GPC6: variants seen among roughly 807,000 people sequenced by gnomAD.
GPC6 encodes glypican-6.
Under a neutral mutation model 55.2 loss-of-function variants are expected in GPC6, and 14 were observed. The ratio of observed to expected loss-of-function variants is 0.25; its 90% CI spans 0.17 to 0.40. The LOEUF (loss-of-function observed/expected upper bound fraction) is 0.40, where lower values mean the gene tolerates loss of function less well. GPC6 is among the 10% of genes least tolerant of loss of function. The probability of loss-of-function intolerance (pLI) is 1.00; values close to 1 mark genes in which losing one functional copy is unlikely to be tolerated. For synonymous variants in GPC6, 278 were observed against 259.6 expected (o/e 1.07, Z -0.68); for missense variants, 641 against 708.5 (o/e 0.90, Z 1.08).
intron 2 of GPC6, among the ~76,000 whole-genome samples, chr13:93,645,308 G>A (rs542449375): frequency 2.0e-5 from 3 of 151,094 alleles, no homozygotes; most frequent in East Asian, 1.9e-4. Context: ...AGACATAAAA[G>A]CATAAAACAT....
chr13:93,683,362 A>G (rs1881928053), intron 2 of GPC6, among the ~76,000 whole-genome samples: 1 of 152,082 alleles, frequency 6.6e-6, no homozygotes, highest in Admixed American at 6.5e-5. Context: ...GACCTCTTTG[A>G]CAAGACTTCA....
intron 2 of GPC6, among the ~76,000 whole-genome samples, chr13:93,747,742 C>G (rs1293492579): frequency 6.6e-6 from 1 of 152,164 alleles, no homozygotes; most frequent in Non-Finnish European, 1.5e-5. Flanking sequence ...TCTAGGTAGG[C>G]TAGGCTAAGC....
intron 1 of GPC6, among the ~76,000 whole-genome samples, chr13:93,241,650 A>G (rs1218065300): frequency 1.3e-5 from 2 of 151,998 alleles, no homozygotes; most frequent in Non-Finnish European, 2.9e-5. Flanking sequence ...TGAATTCTTT[A>G]TCTGGTATTT....
intron 2 of GPC6, among the ~76,000 whole-genome samples, chr13:93,755,595 GT>G (rs1174110354): frequency 2.6e-5 from 4 of 152,102 alleles, no homozygotes; most frequent in African/African-American, 9.7e-5. Flanking sequence ...TTATTTCTTT[GT>G]GTCAATAGTT....
At chr13:94,159,132 A>T (rs1888067803) in intron 4 of GPC6, among the ~76,000 whole-genome samples, 1 of 152,134 alleles carries the variant, frequency 6.6e-6, no homozygotes, top group South Asian at 2.1e-4. Flanking sequence ...TGTGTCCTGG[A>T]GTCAGATGAT....
intron 6 of GPC6, among the ~76,000 whole-genome samples, chr13:94,335,901 ATTT>A (rs57333414): frequency 0.25 from 37,054 of 146,956 alleles, 4,922 homozygotes; most frequent in Middle Eastern, 0.4. Context: ...TGTTGTTGTG[ATTT>A]TTTTTTTTTT....
At chr13:94,169,427 G>A (rs1015846555) in intron 4 of GPC6, among the ~76,000 whole-genome samples, 4 of 152,090 alleles carry the variant, frequency 2.6e-5, no homozygotes, top group African/African-American at 4.8e-5. Flanking sequence ...TTAGAATGCC[G>A]AAAGATATAC....
intron 3 of GPC6, among the ~76,000 whole-genome samples, chr13:94,007,355 G>A (rs1594661355): frequency 6.6e-6 from 1 of 152,302 alleles, no homozygotes; most frequent in East Asian, 1.9e-4. Flanking sequence ...AAGACAGCAG[G>A]AGGAATCGCT....
chr13:94,047,747 C>T (rs1397950219), intron 4 of GPC6, among the ~76,000 whole-genome samples: 1 of 152,026 alleles, frequency 6.6e-6, no homozygotes, highest in Non-Finnish European at 1.5e-5. Context: ...TTACCAAAAC[C>T]AGAGCAGTAA....
chr13:93,299,406 C>A (rs1370258478), intron 1 of GPC6, among the ~76,000 whole-genome samples: 2 of 152,140 alleles, frequency 1.3e-5, no homozygotes, highest in African/African-American at 4.8e-5. Context: ...AGTCAGAAAA[C>A]ATGAAAATGT....
intron 5 of GPC6, among the ~76,000 whole-genome samples, chr13:94,291,422 G>A (rs1414738051): frequency 1.3e-5 from 2 of 152,134 alleles, no homozygotes; most frequent in Admixed American, 6.6e-5. Context: ...TGTGGAAGAC[G>A]GAGTTAAGGA....
chr13:94,179,375 G>A (rs895548623), intron 4 of GPC6, among the ~76,000 whole-genome samples: 19 of 152,110 alleles, frequency 1.2e-4, no homozygotes, highest in African/African-American at 4.3e-4. Context: ...AAGGGCATGA[G>A]CTTACCCATG....
upstream of GPC6, among the ~76,000 whole-genome samples, chr13:93,225,967 C>T (rs184454381): frequency 3.9e-5 from 6 of 152,290 alleles, no homozygotes; most frequent in South Asian, 4.2e-4. Context: ...ACACTTCTGC[C>T]AGCTGACTTT....
intron 2 of GPC6, among the ~76,000 whole-genome samples, chr13:93,633,337 T>G (rs1204817083): frequency 6.6e-6 from 1 of 152,196 alleles, no homozygotes; most frequent in Non-Finnish European, 1.5e-5. Flanking sequence ...AGAGGCAAGA[T>G]AGTTCCCAGC....
chr13:93,875,835 G>A (rs1889275494), intron 3 of GPC6, among the ~76,000 whole-genome samples: 1 of 152,086 alleles, frequency 6.6e-6, no homozygotes, highest in African/African-American at 2.4e-5. Flanking sequence ...TCAGGGAACA[G>A]AGGGCCAGTT....
intron 1 of GPC6, among the ~76,000 whole-genome samples, chr13:93,463,996 TCA>T (rs35415649): frequency 0.22 from 32,701 of 152,034 alleles, 3,628 homozygotes; most frequent in Middle Eastern, 0.28. Context: ...AATAATTAAG[TCA>T]CACAAATGTT....
intron 2 of GPC6, among the ~76,000 whole-genome samples, chr13:93,779,584 G>A (rs1239699176): frequency 1.3e-5 from 2 of 152,102 alleles, no homozygotes; most frequent in Admixed American, 6.6e-5. Context: ...CATGTGATCC[G>A]GGTTCTGTGA....
intron 1 of GPC6, among the ~76,000 whole-genome samples, chr13:93,479,616 C>CCCG (rs1555303836): frequency 2.2e-5 from 2 of 92,384 alleles, no homozygotes; most frequent in African/African-American, 7.1e-5. Context: ...AGACCCCCCC[C>CCCG]CATCTCTACT....
At chr13:93,266,001 AG>A (rs544664175) in intron 1 of GPC6, among the ~76,000 whole-genome samples, 65 of 152,240 alleles carry the variant, frequency 4.3e-4, no homozygotes, top group Middle Eastern at 3.4e-3. Context: ...ACTTAAAACC[AG>A]GGCGTTACTT....
Sources: allele counts gnomAD v4.1 joint callset (sites outside exome capture counted in the v4.1 genomes callset), GRCh38; gene constraint gnomAD v4.1.1; transcripts MANE v1.5; gene names NCBI Gene and HGNC (gene_info 2026-07-23, HGNC 2026-07-21).